CTNNA2: variants seen among roughly 807,000 people sequenced by gnomAD.
The protein encoded by CTNNA2 is catenin alpha 2.
A neutral mutation model predicts 101.0 loss-of-function variants in CTNNA2; 42 were observed. The ratio of observed to expected loss-of-function variants is 0.42; its 90% CI spans 0.32 to 0.54. CTNNA2 has a LOEUF of 0.54. Ranked by LOEUF, CTNNA2 falls within the 20% of genes least tolerant of loss-of-function variation. The probability of loss-of-function intolerance (pLI) is 0.14; values close to 1 mark genes in which losing one functional copy is unlikely to be tolerated. For missense variants in CTNNA2, 871 were observed against 1,223.1 expected (o/e 0.71, Z 4.29); for synonymous variants, 450 against 456.4 (o/e 0.99, Z 0.18).
intron 7 of CTNNA2, among the ~76,000 whole-genome samples, chr2:80,055,215 G>T (rs1397204370): frequency 6.6e-6 from 1 of 151,986 alleles, no homozygotes; most frequent in Non-Finnish European, 1.5e-5. Flanking sequence ...TTTTTTAAGA[G>T]ATGGGGTCTC....
At position 80,256,771 on chromosome 2, in the gene CTNNA2, C is replaced by T. The variant is rs114658488; in HGVS notation, c.1057-136440C>T. Among the ~76,000 whole-genome samples the T allele has an allele frequency of 3.5e-3, 535 of 152,226 alleles. 2 individuals are homozygous for T. The highest frequency in any genetic ancestry group is 0.012 in the African/African-American group (503 of 41,544). ...CAGAAACTTCAAAATTTCGCTGAAGCCAGACGTAGGACAGATTCTAGCAAA... is the reference window on the plus strand; with the variant it reads ...CAGAAACTTCAAAATTTCGCTGAAGTCAGACGTAGGACAGATTCTAGCAAA... On this transcript the variant is annotated intron_variant, in intron 7 of 18. Coordinates refer to ENST00000402739, the MANE Select transcript of CTNNA2 (RefSeq NM_001282597.3).
At chr2:79,946,410 GA>G (rs1292023948) in intron 7 of CTNNA2, among the ~76,000 whole-genome samples, 2 of 152,166 alleles carry the variant, frequency 1.3e-5, no homozygotes, top group East Asian at 3.9e-4. Flanking sequence ...GAACTGAACT[GA>G]GAGTCTATTA....
intron 9 of CTNNA2, among the ~76,000 whole-genome samples, chr2:80,448,343 G>A (rs1320997581): frequency 6.6e-6 from 1 of 152,218 alleles, no homozygotes; most frequent in African/African-American, 2.4e-5. Context: ...CACTCTTAGC[G>A]ACAATCTCAA....
At chr2:80,645,012 CTCTTCAGATCAGCTCA>C (rs753288468) in intron 18 of CTNNA2, among the ~76,000 whole-genome samples, 12 of 152,282 alleles carry the variant, frequency 7.9e-5, no homozygotes, top group South Asian at 6.2e-4. Context: ...GTAATCCCTT[CTCTTCAGATCAGCTCA>C]ATTCTCCCAA....
chr2:79,720,988 A>T (rs574380574), intron 2 of CTNNA2, among the ~76,000 whole-genome samples: 1 of 152,232 alleles, frequency 6.6e-6, no homozygotes, highest in South Asian at 2.1e-4. Flanking sequence ...AACATCATGT[A>T]TAAATTAATA....
At chr2:80,217,454 A>G (rs959710576) in intron 7 of CTNNA2, among the ~76,000 whole-genome samples, 11 of 152,184 alleles carry the variant, frequency 7.2e-5, no homozygotes, top group African/African-American at 2.6e-4. Flanking sequence ...TACCTTTAAA[A>G]TGGGCCTAAT....
chr2:79,464,813 C>T (rs1400077833), intron 4 of CTNNA2, among the ~76,000 whole-genome samples: 1 of 152,032 alleles, frequency 6.6e-6, no homozygotes, highest in African/African-American at 2.4e-5. Flanking sequence ...TTTCCTTTGC[C>T]CACTTTTTGA....
At chr2:79,539,312 C>G (rs1309500067) in intron 1 of CTNNA2, among the ~76,000 whole-genome samples, 1 of 152,164 alleles carries the variant, frequency 6.6e-6, no homozygotes, top group Non-Finnish European at 1.5e-5. Context: ...TTGGCCTTCA[C>G]ACATCAAGAG....
chr2:80,491,340 C>A (rs1171359439), intron 9 of CTNNA2, among the ~76,000 whole-genome samples: 1 of 152,190 alleles, frequency 6.6e-6, no homozygotes, highest in African/African-American at 2.4e-5. Context: ...GACCTAACTC[C>A]AGCCCAAGGT....
chr2:80,026,578 G>A (rs559237989), intron 7 of CTNNA2, among the ~76,000 whole-genome samples: 9 of 152,256 alleles, frequency 5.9e-5, no homozygotes, highest in Middle Eastern at 6.8e-3. Flanking sequence ...ACAGAAATGA[G>A]TCATTTTTTA....
At chr2:80,606,817 A>G (rs1021898257) in intron 16 of CTNNA2, among the ~76,000 whole-genome samples, 1 of 151,906 alleles carries the variant, frequency 6.6e-6, no homozygotes, top group Non-Finnish European at 1.5e-5. Context: ...TTACTGTTCC[A>G]TTGAGATAGA....
chr2:79,538,724 CAGA>C (rs1027234591), intron 1 of CTNNA2, among the ~76,000 whole-genome samples: 2 of 152,094 alleles, frequency 1.3e-5, no homozygotes, highest in Non-Finnish European at 2.9e-5. Flanking sequence ...AGAGTTTGGT[CAGA>C]AGAAGGCTGG....
chr2:79,781,779 TAAC>T (rs1432890403), intron 3 of CTNNA2, among the ~76,000 whole-genome samples: 1 of 152,118 alleles, frequency 6.6e-6, no homozygotes, highest in Non-Finnish European at 1.5e-5. Flanking sequence ...GTGTGTAAAA[TAAC>T]AATTCTGAAA....
At chr2:80,074,104 C>T (rs910477474) in intron 7 of CTNNA2, among the ~76,000 whole-genome samples, 1 of 152,114 alleles carries the variant, frequency 6.6e-6, no homozygotes, top group Non-Finnish European at 1.5e-5. Flanking sequence ...AGGAAAAAGA[C>T]ATTTCATTCA....
chr2:80,548,218 C>G (rs1425375273), intron 11 of CTNNA2, among the ~76,000 whole-genome samples: 1 of 152,086 alleles, frequency 6.6e-6, no homozygotes, highest in Non-Finnish European at 1.5e-5. Context: ...AATAGGAGCC[C>G]TTTCCAACCA....
At chr2:80,304,299 G>A (rs1391413116) in intron 7 of CTNNA2, 1 of 153,350 alleles carries the variant, frequency 6.5e-6, no homozygotes, top group Non-Finnish European at 1.5e-5. Flanking sequence ...GTCTCACTTT[G>A]CTGCTCGGCT....
intron 7 of CTNNA2, among the ~76,000 whole-genome samples, chr2:79,953,029 A>G (rs1364023170): frequency 6.6e-6 from 1 of 152,222 alleles, no homozygotes; most frequent in Non-Finnish European, 1.5e-5. Context: ...TGAAACTAAC[A>G]TCCTATGAAT....
intron 7 of CTNNA2, among the ~76,000 whole-genome samples, chr2:80,169,364 C>G (rs903174309): frequency 6.6e-6 from 1 of 152,142 alleles, no homozygotes; most frequent in African/African-American, 2.4e-5. Flanking sequence ...CACAGATTAA[C>G]CACTTAGGTT....
chr2:80,305,474 A>G (rs1411005662), intron 7 of CTNNA2, among the ~76,000 whole-genome samples: 1 of 151,722 alleles, frequency 6.6e-6, no homozygotes, highest in Non-Finnish European at 1.5e-5. Flanking sequence ...CATGGTGATT[A>G]CTGGGCCCTG....
Sources: allele counts gnomAD v4.1 joint callset (sites outside exome capture counted in the v4.1 genomes callset), GRCh38; gene constraint gnomAD v4.1.1; transcripts MANE v1.5; gene names NCBI Gene and HGNC (gene_info 2026-07-23, HGNC 2026-07-21).